Variants in SV2C observed in about 807,000 individuals in gnomAD.
SV2C encodes synaptic vesicle glycoprotein 2C.
A neutral mutation model predicts 79.7 loss-of-function variants in SV2C; 49 were observed. That is an observed-to-expected ratio of 0.61 (90% CI 0.49 to 0.78). The LOEUF (loss-of-function observed/expected upper bound fraction) is 0.78. Ranked by LOEUF, SV2C falls within the 30% of genes least tolerant of loss-of-function variation. SV2C has a pLI of 0.00. For missense variants in SV2C, 833 were observed against 912.9 expected (o/e 0.91, Z 1.13); for synonymous variants, 334 against 333.2 (o/e 1.00, Z -0.03).
At chr5:76,285,546 T>G in intron 5 of SV2C, 2 of 633,068 alleles carry the variant, frequency 3.2e-6, no homozygotes, top group Non-Finnish European at 5.3e-6. Context: ...CATGATTTAT[T>G]GTTTTATAGC....
chr5:75,923,486 C>A, the SV2C span, among the ~76,000 whole-genome samples: 1 of 152,174 alleles, frequency 6.6e-6, no homozygotes, highest in South Asian at 2.1e-4. Flanking sequence ...AACAGACAAC[C>A]AACACAGTGG....
At chr5:76,283,975 G>A (rs1485657983) in intron 4 of SV2C, among the ~76,000 whole-genome samples, 1 of 152,168 alleles carries the variant, frequency 6.6e-6, no homozygotes, top group Non-Finnish European at 1.5e-5. Flanking sequence ...GAGATAGGAT[G>A]TATATTATCT....
the SV2C span, among the ~76,000 whole-genome samples, chr5:75,992,071 T>C: frequency 2.0e-5 from 3 of 152,070 alleles, no homozygotes; most frequent in Non-Finnish European, 2.9e-5. Flanking sequence ...GGGATTTCAA[T>C]TGGGTTTATG....
chr5:76,104,206 C>T (rs1672980371), intron 1 of SV2C, among the ~76,000 whole-genome samples: 1 of 152,156 alleles, frequency 6.6e-6, no homozygotes, highest in South Asian at 2.1e-4. Context: ...GTTAACTGTT[C>T]TAATGTCAGT....
intron 2 of SV2C, among the ~76,000 whole-genome samples, chr5:76,184,410 G>C (rs981124136): frequency 2.0e-5 from 3 of 152,232 alleles, no homozygotes; most frequent in Non-Finnish European, 4.4e-5. Flanking sequence ...TGTTCAGTCA[G>C]TGATTGGGAT....
At chr5:76,038,260 A>C in the SV2C span, among the ~76,000 whole-genome samples, 2 of 152,222 alleles carry the variant, frequency 1.3e-5, no homozygotes, top group South Asian at 4.1e-4. Flanking sequence ...TATGTAAACC[A>C]AATGTTTAAA....
At chr5:75,891,109 C>G in the SV2C span, among the ~76,000 whole-genome samples, 1 of 152,074 alleles carries the variant, frequency 6.6e-6, no homozygotes, top group Non-Finnish European at 1.5e-5. Context: ...GGTACTTGTG[C>G]AAGCCCCAAT....
At chr5:76,246,626 C>T (rs1332912484) in intron 4 of SV2C, among the ~76,000 whole-genome samples, 3 of 150,408 alleles carry the variant, frequency 2.0e-5, no homozygotes, top group South Asian at 2.1e-4. Flanking sequence ...GCAACACACA[C>T]ACTCACACTC....
the SV2C span, among the ~76,000 whole-genome samples, chr5:75,891,729 A>T: frequency 0.023 from 3,533 of 152,238 alleles, 59 homozygotes; most frequent in African/African-American, 0.053. Context: ...TTGAGATATC[A>T]GCCTTGCAAT....
intron 2 of SV2C, among the ~76,000 whole-genome samples, chr5:76,138,683 C>T (rs1404326899): frequency 1.3e-5 from 2 of 152,108 alleles, no homozygotes; most frequent in African/African-American, 4.8e-5. Flanking sequence ...TCTGTTGTTC[C>T]CTACTGTATC....
chr5:76,271,011 T>C (rs1277233366), intron 4 of SV2C, among the ~76,000 whole-genome samples: 2 of 152,176 alleles, frequency 1.3e-5, no homozygotes, highest in African/African-American at 2.4e-5. Context: ...TCAGGTGATC[T>C]GCCTGCCTTG....
chr5:76,059,131 G>C, the SV2C span, among the ~76,000 whole-genome samples: 1 of 152,118 alleles, frequency 6.6e-6, no homozygotes, highest in South Asian at 2.1e-4. Context: ...AATCATCTGA[G>C]CCTTTAGGGA....
the SV2C span, among the ~76,000 whole-genome samples, chr5:75,874,065 A>T: frequency 6.6e-6 from 1 of 152,194 alleles, no homozygotes; most frequent in African/African-American, 2.4e-5. Flanking sequence ...TGAGGTCAGC[A>T]TCATCCTGAT....
At chr5:75,915,730 G>A in the SV2C span, among the ~76,000 whole-genome samples, 5 of 152,198 alleles carry the variant, frequency 3.3e-5, no homozygotes, top group African/African-American at 1.2e-4. Flanking sequence ...TGGAGGGCAA[G>A]GAGTACAAGG....
intron 2 of SV2C, chr5:76,173,910 C>T (rs756780447): frequency 2.5e-6 from 4 of 1,591,820 alleles, no homozygotes; most frequent in East Asian, 2.2e-5. Flanking sequence ...TCTTGTAAAT[C>T]GTTAAATGTG....
At chr5:76,018,344 A>G in the SV2C span, among the ~76,000 whole-genome samples, 1 of 152,190 alleles carries the variant, frequency 6.6e-6, no homozygotes, top group Non-Finnish European at 1.5e-5. Flanking sequence ...AAAAGTTAAG[A>G]AAATTTATCA....
intron 4 of SV2C, among the ~76,000 whole-genome samples, chr5:76,271,920 C>T (rs1431098584): frequency 2.0e-5 from 3 of 152,000 alleles, no homozygotes; most frequent in African/African-American, 7.3e-5. Flanking sequence ...GGCACAAGGA[C>T]CAGAAATTAG....
At chr5:75,873,104 A>G in the SV2C span, among the ~76,000 whole-genome samples, 4,037 of 152,238 alleles carry the variant, frequency 0.027, 171 homozygotes, top group African/African-American at 0.092. Flanking sequence ...CATTATGTAC[A>G]AATATAAAAG....
At chr5:76,010,709 C>G in the SV2C span, among the ~76,000 whole-genome samples, 1 of 152,094 alleles carries the variant, frequency 6.6e-6, no homozygotes, top group South Asian at 2.1e-4. Flanking sequence ...TTTTCTCTGG[C>G]ATGACACAAT....
Sources: gnomAD v4.1 joint callset for allele counts (sites outside exome capture counted in the v4.1 genomes callset) on GRCh38, gnomAD v4.1.1 for gene constraint, MANE v1.5 for transcripts, NCBI Gene and HGNC (gene_info 2026-07-23, HGNC 2026-07-21) for gene names.